The following ADAM32 variants were observed in gnomAD, a reference collection of about 807,000 sequenced individuals.
ADAM32 encodes the protein disintegrin and metalloproteinase domain-containing protein 32.
Under a neutral mutation model 114.9 loss-of-function variants are expected in ADAM32, and 89 were observed. That is an observed-to-expected ratio of 0.77 (90% CI 0.65 to 0.92). The LOEUF is 0.92. Among genes scored for constraint, ADAM32 ranks in the 40% least tolerant of loss-of-function variants. The pLI is 0.00. For missense variants in ADAM32, 870 were observed against 932.8 expected, an observed-to-expected ratio of 0.93 and a Z score of 0.88; for synonymous variants, 285 against 307.5, an observed-to-expected ratio of 0.93 and a Z score of 0.77.
intron 19 of ADAM32, among the ~76,000 whole-genome samples, chr8:39,269,547 C>T (rs992511639): frequency 2.0e-5 from 3 of 152,176 alleles, no homozygotes; most frequent in Non-Finnish European, 4.4e-5. Context: ...TTTCTTTCCT[C>T]TCTGTCCTGT....
intron 11 of ADAM32, 57 bp downstream of exon 11, chr8:39,187,102 T>C: frequency 2.7e-6 from 4 of 1,490,136 alleles, no homozygotes; most frequent in Non-Finnish European, 3.6e-6. Context: ...ATATTCAGAG[T>C]GTGAAAATTT....
In ADAM32 at chr8:39,261,543, A is replaced by G. The variant is rs1192647896; in HGVS notation, c.2162+4200A>G. Among the ~76,000 whole-genome samples the G allele has an allele frequency of 3.4e-4, 51 of 152,182 alleles. 1 individual carries two copies. The highest frequency in any genetic ancestry group is 3.3e-3 in the Admixed American group (51 of 15,272). On this transcript the variant is annotated intron_variant, in intron 19 of 24. Transcript: ENST00000379907. ...GCAGTGCAAATGTCTCTTCGATACA[A>G]TGGTTTCCTTTCCTTTGGATAAATA...
chr8:39,261,166 G>A lies in ADAM32; in HGVS notation c.2162+3823G>A, dbSNP rs551956642. Reference sequence around the variant, plus strand: ...GATATAAAGAATTAGAACTTTTTTCGCATATCTCGCTGTAACTTTGTAGAC... The same window carrying A: ...GATATAAAGAATTAGAACTTTTTTCACATATCTCGCTGTAACTTTGTAGAC... On this transcript the variant is annotated intron_variant, in intron 19 of 24. Transcript: ENST00000379907. Among the ~76,000 whole-genome samples the A allele has an allele frequency of 3.2e-4, 49 of 151,890 alleles. 1 individual carries two copies. Among genetic ancestry groups the A allele is most frequent in the African/African-American group, 1.1e-3 (45 of 41,454 alleles).
intron 10 of ADAM32, among the ~76,000 whole-genome samples, chr8:39,184,346 T>C (rs1245255517): frequency 6.6e-6 from 1 of 152,224 alleles, no homozygotes; most frequent in African/African-American, 2.4e-5. Context: ...CTCACTCCAT[T>C]GGTCAGCAGA....
intron 3 of ADAM32, among the ~76,000 whole-genome samples, chr8:39,141,673 T>C (rs1459803431): frequency 2.0e-5 from 3 of 152,192 alleles, no homozygotes; most frequent in Non-Finnish European, 4.4e-5. Flanking sequence ...ACTGTTGATT[T>C]GGGGTGGAGA....
At chr8:39,227,372 G>A (rs1423025329) in intron 14 of ADAM32, among the ~76,000 whole-genome samples, 1 of 152,146 alleles carries the variant, frequency 6.6e-6, no homozygotes, top group African/African-American at 2.4e-5. Context: ...GGAGTTCTCT[G>A]GGTCCCCAGG....
chr8:39,164,949 T>C lies in ADAM32; in HGVS notation c.667-81T>C. The C allele has an allele frequency of 2.0e-6, 3 of 1,497,264 alleles. No homozygotes were observed. In the South Asian group the frequency reaches 3.7e-5, roughly 19 times the overall value. 92.7% of individuals were successfully genotyped at this position (1,497,264 alleles called of 1,614,324 possible). A position where few individuals can be genotyped will look rare whatever the true frequency, so the allele number is the denominator to read the frequency against. On this transcript the variant is annotated intron_variant, in intron 8 of 24. Transcript: ENST00000379907. ...CCACCCATATAAACTGAGTGTGGGA[T>C]TGTAAAAACTTTGAATTTCTGGGTT... is the stretch of plus-strand genomic sequence containing the variant.
rs373893009 is a variant in ADAM32, at chr8:39,230,307, A to G, written c.1526-1720A>G. ...TTTCATTTCACTTTTGAAAACCAAGACAAGTCTGAGAGAAAGTGATCATCT... is the reference window on the plus strand; with the variant it reads ...TTTCATTTCACTTTTGAAAACCAAGGCAAGTCTGAGAGAAAGTGATCATCT... On this transcript the variant is annotated intron_variant, in intron 14 of 24. Coordinates refer to ENST00000379907, the MANE Select transcript of ADAM32 (RefSeq NM_145004.7). Among the ~76,000 whole-genome samples the G allele has an allele frequency of 5.3e-5, 8 of 152,276 alleles. No individual in the cohort carries two copies. In the East Asian group the frequency reaches 1.4e-3, roughly 26 times the overall value.
intron 12 of ADAM32, among the ~76,000 whole-genome samples, chr8:39,219,973 A>G (rs1808839045): frequency 6.6e-6 from 1 of 152,152 alleles, no homozygotes; most frequent in African/African-American, 2.4e-5. Flanking sequence ...CCAATTGGTC[A>G]AGTGTTAAAT....
chr8:39,209,270 C>T (rs953050903), intron 11 of ADAM32, among the ~76,000 whole-genome samples: 2 of 152,164 alleles, frequency 1.3e-5, no homozygotes, highest in African/African-American at 4.8e-5. Context: ...TCGAGACCCT[C>T]TAATACATTT....
chr8:39,228,127 G>A lies in ADAM32; in HGVS notation c.1526-3900G>A, dbSNP rs146516944. 5.5e-3 allele frequency among the ~76,000 whole-genome samples: 831 copies of A among 152,256 alleles called. 10 individuals carry two copies. Among genetic ancestry groups the A allele is most frequent in the African/African-American group, 0.019 (793 of 41,548 alleles). On this transcript the variant is annotated intron_variant, in intron 14 of 24. Transcript: ENST00000379907. ...TAGGAAGCCACATCCATAGGAAAAC[G>A]GGGAGAGTACTACATCAAGGGAACA...
chr8:39,268,021 A>G (rs759496464), intron 19 of ADAM32, among the ~76,000 whole-genome samples: 61 of 152,348 alleles, frequency 4.0e-4, no homozygotes, highest in South Asian at 8.3e-4. Context: ...AGCAAACTAA[A>G]TCTTTGAAGA....
intron 6 of ADAM32, among the ~76,000 whole-genome samples, chr8:39,156,157 T>C (rs975219171): frequency 6.6e-6 from 1 of 152,310 alleles, no homozygotes; most frequent in South Asian, 2.1e-4. Flanking sequence ...ATCTTTTTTT[T>C]TGGAGGCAGG....
chr8:39,195,583 C>T (rs868719123), intron 11 of ADAM32, among the ~76,000 whole-genome samples: 9 of 152,170 alleles, frequency 5.9e-5, no homozygotes, highest in Admixed American at 2.0e-4. Context: ...GTCCTTAATC[C>T]GTTTTGAGTT....
At chr8:39,131,803 C>A (rs1330366583) in intron 2 of ADAM32, among the ~76,000 whole-genome samples, 1 of 152,126 alleles carries the variant, frequency 6.6e-6, no homozygotes, top group South Asian at 2.1e-4. Context: ...TTACTATTTA[C>A]AATATATATA....
At chr8:39,153,551 G>C (rs936165136) in intron 6 of ADAM32, among the ~76,000 whole-genome samples, 5 of 152,214 alleles carry the variant, frequency 3.3e-5, no homozygotes, top group African/African-American at 1.2e-4. Context: ...TTTCCCCAGG[G>C]TGGTCCTTAG....
chr8:39,164,777 G>T lies in ADAM32; in HGVS notation c.608G>T (p.Gly203Val), dbSNP rs1326448932. 3 of 1,600,644 alleles carry T rather than the reference G, an allele frequency of 1.9e-6. No individual in the cohort carries two copies. The highest frequency in any genetic ancestry group is 2.7e-5 in the African/African-American group (2 of 74,602). The change falls in exon 8 of 25, where the codon GGC becomes GTC. Residue 203 changes from glycine (G) to valine (V), a missense_variant. Physicochemically the swap from Gly to Val is moderately radical, Grantham distance 109. Coordinates refer to ENST00000379907, the MANE Select transcript of ADAM32 (RefSeq NM_145004.7). Reference sequence around the variant, plus strand: ...TCTGTTTTTCAGTATGATTACTGGGGCTCTGATAGCATGATAGTAACAAAT... The same window carrying T: ...TCTGTTTTTCAGTATGATTACTGGGTCTCTGATAGCATGATAGTAACAAAT... ...VVDKTLYDYWGSDSMIVTNKV... is the reference protein window; with the variant it reads ...VVDKTLYDYWVSDSMIVTNKV...
chr8:39,212,601 A>G (rs1346235443), intron 12 of ADAM32, among the ~76,000 whole-genome samples: 4 of 152,144 alleles, frequency 2.6e-5, no homozygotes, highest in Non-Finnish European at 5.9e-5. Context: ...TTTCCTTTCA[A>G]TATAGTGTTT....
intron 7 of ADAM32, among the ~76,000 whole-genome samples, chr8:39,163,571 G>A (rs921349880): frequency 6.6e-6 from 1 of 152,174 alleles, no homozygotes; most frequent in Admixed American, 6.5e-5. Flanking sequence ...GTTACTGATT[G>A]GGTTGAATTA....
Sources: gnomAD v4.1 joint callset for allele counts (sites outside exome capture counted in the v4.1 genomes callset) on GRCh38, gnomAD v4.1.1 for gene constraint, MANE v1.5 for transcripts, NCBI Gene and HGNC (gene_info 2026-07-23, HGNC 2026-07-21) for gene names.